The following STEAP1B variants were observed in gnomAD, a reference collection of about 807,000 sequenced individuals.
STEAP1B encodes STEAP family protein MGC87042.
Under a neutral mutation model 27.9 loss-of-function variants are expected in STEAP1B, and 13 were observed. That is an observed-to-expected ratio of 0.47 (90% CI 0.30 to 0.74). The LOEUF is 0.74. Among genes scored for constraint, STEAP1B ranks in the 30% least tolerant of loss-of-function variants. The probability of loss-of-function intolerance (pLI) is 0.06; values close to 1 mark genes in which losing one functional copy is unlikely to be tolerated. For synonymous variants in STEAP1B, 86 were observed against 107.1 expected (o/e 0.80, Z 1.22); for missense variants, 250 against 298.7 (o/e 0.84, Z 1.20).
At chr7:22,428,354 C>T (rs557474792) in intron 4 of STEAP1B, among the ~76,000 whole-genome samples, 2 of 152,308 alleles carry the variant, frequency 1.3e-5, no homozygotes, top group East Asian at 3.9e-4. Flanking sequence ...GAAAACTTGA[C>T]TGTTCTCATT....
rs1453564681 is a variant in STEAP1B, at chr7:22,493,813, G to A, written c.108C>T (p.Ser36=). 1.7e-5 allele frequency: 27 copies of A among 1,611,866 alleles called. 1 individual carries two copies. The highest frequency in any genetic ancestry group is 2.1e-5 in the Non-Finnish European group (25 of 1,179,038). The change falls in exon 3 of 5, where the codon AGC becomes AGT. Residue 36 remains serine, a synonymous_variant. Transcript: ENST00000678116. The part of the protein sequence containing the change: ...DYLHEDTGET[S]MLKRPVLLHL... The stretch of plus-strand genomic sequence containing the variant: ...GCAAAAGCACAGGTCTTTTTAGCAT[G>A]CTGGTCTCTCCCGTGTCCTCATGCT...
intron 4 of STEAP1B, among the ~76,000 whole-genome samples, chr7:22,423,643 T>G (rs560000144): frequency 6.6e-6 from 1 of 152,092 alleles, no homozygotes; most frequent in Admixed American, 6.5e-5. Context: ...GAGCATGAGG[T>G]TTTTTTGGAA....
intron 4 of STEAP1B, among the ~76,000 whole-genome samples, chr7:22,484,075 C>A (rs1786132471): frequency 6.6e-6 from 1 of 152,158 alleles, no homozygotes; most frequent in African/African-American, 2.4e-5. Context: ...AATGCCATCT[C>A]CATAACGTAG....
At chr7:22,428,249 C>A (rs1785134032) in intron 4 of STEAP1B, among the ~76,000 whole-genome samples, 1 of 152,152 alleles carries the variant, frequency 6.6e-6, no homozygotes, top group Non-Finnish European at 1.5e-5. Context: ...CTAGGGAGCA[C>A]AACCCATTAT....
At chr7:22,490,236 G>A (rs1350585470) in intron 4 of STEAP1B, among the ~76,000 whole-genome samples, 1 of 151,748 alleles carries the variant, frequency 6.6e-6, no homozygotes, top group Admixed American at 6.6e-5. Flanking sequence ...TATTTTCCTG[G>A]TGCTTGAAAA....
chr7:22,438,853 T>C, intron 4 of STEAP1B: 1 of 1,289,198 alleles, frequency 7.8e-7, no homozygotes, highest in Non-Finnish European at 1.0e-6. Flanking sequence ...CTGAATACTC[T>C]CCTTCATTTA....
intron 4 of STEAP1B, among the ~76,000 whole-genome samples, chr7:22,480,002 G>A (rs559559901): frequency 6.6e-6 from 1 of 152,156 alleles, no homozygotes; most frequent in Admixed American, 6.5e-5. Flanking sequence ...CAGTGCTCAG[G>A]AGCCACCCTG....
chr7:22,461,247 C>T (rs1239541823), intron 4 of STEAP1B, among the ~76,000 whole-genome samples: 1 of 152,172 alleles, frequency 6.6e-6, no homozygotes, highest in African/African-American at 2.4e-5. Flanking sequence ...TCACTCCTTC[C>T]AGTCACTGAG....
Position 22,475,336 on chromosome 7 carries a change from C to A in STEAP1B, c.762+17229G>T, listed in dbSNP as rs188853045. On this transcript the variant is annotated intron_variant, in intron 4 of 4. Coordinates refer to ENST00000678116, the MANE Select transcript of STEAP1B (RefSeq NM_001382447.1). ...ACACACTCTCTTGCACTAGGCAATG[C>A]CGTGTCCCTGCTGCACGCACCTGTC... is the stretch of plus-strand genomic sequence containing the variant. 3.9e-5 allele frequency among the ~76,000 whole-genome samples: 6 copies of A among 152,310 alleles called. No individual in the cohort carries two copies. The East Asian group carries it at 1.2e-3, about 29-fold the overall frequency.
At chr7:22,471,859 C>T (rs1365958157) in intron 4 of STEAP1B, among the ~76,000 whole-genome samples, 1 of 137,444 alleles carries the variant, frequency 7.3e-6, no homozygotes, top group Non-Finnish European at 1.5e-5. Flanking sequence ...GCTATGATTG[C>T]ACCAGTGCAC....
At chr7:22,461,201 A>G (rs1785672910) in intron 4 of STEAP1B, among the ~76,000 whole-genome samples, 1 of 152,158 alleles carries the variant, frequency 6.6e-6, no homozygotes, top group Admixed American at 6.5e-5. Flanking sequence ...TCAGTTTCCG[A>G]TGAGGTTTCA....
intron 4 of STEAP1B, among the ~76,000 whole-genome samples, chr7:22,434,616 T>G (rs1785232249): frequency 6.6e-6 from 1 of 152,204 alleles, no homozygotes; most frequent in Admixed American, 6.5e-5. Context: ...TCTAAGCACT[T>G]ATGTATTTAT....
chr7:22,452,486 A>C (rs961178205), intron 4 of STEAP1B, among the ~76,000 whole-genome samples: 18 of 152,192 alleles, frequency 1.2e-4, no homozygotes, highest in Admixed American at 1.2e-3. Context: ...GTAATGCGGT[A>C]ATGTGCAGAT....
At chr7:22,474,226 C>T (rs894900251) in intron 4 of STEAP1B, among the ~76,000 whole-genome samples, 2 of 152,186 alleles carry the variant, frequency 1.3e-5, no homozygotes, top group Non-Finnish European at 1.5e-5. Context: ...CATTTAACTT[C>T]AGGCCTACAT....
At chr7:22,449,198 G>T (rs1393265754) in intron 4 of STEAP1B, among the ~76,000 whole-genome samples, 5 of 152,180 alleles carry the variant, frequency 3.3e-5, no homozygotes, top group African/African-American at 1.2e-4. Flanking sequence ...ATTGACTATA[G>T]TCACCCTGTT....
intron 2 of STEAP1B, 45 bp from the exon 3 acceptor site, chr7:22,493,881 T>C (rs1583356773): frequency 1.3e-6 from 2 of 1,530,812 alleles, no homozygotes; most frequent in African/African-American, 1.4e-5. Context: ...AACAAAACAA[T>C]GGGATATCTC....
chr7:22,429,031 G>A (rs1785144729), intron 4 of STEAP1B, among the ~76,000 whole-genome samples: 1 of 152,154 alleles, frequency 6.6e-6, no homozygotes, highest in Non-Finnish European at 1.5e-5. Context: ...ACAGTATGAA[G>A]GGTAAGCAAG....
intron 4 of STEAP1B, among the ~76,000 whole-genome samples, chr7:22,480,444 G>A (rs140349235): frequency 4.4e-4 from 67 of 152,314 alleles, no homozygotes; most frequent in African/African-American, 1.3e-3. Flanking sequence ...GAGGACACAC[G>A]CTCAAGGTGG....
At position 22,493,229 on chromosome 7, in the gene STEAP1B, A is replaced by G. The variant is rs1172913124; in HGVS notation, c.597+95T>C. 3.7e-6 allele frequency: 5 copies of G among 1,341,104 alleles called. No individual in the cohort carries two copies. In the African/African-American group the frequency reaches 4.5e-5, roughly 12 times the overall value. 83.1% of individuals were successfully genotyped at this position (1,341,104 alleles called of 1,614,324 possible). On this transcript the variant is annotated intron_variant, in intron 3 of 4. Coordinates refer to ENST00000678116, the MANE Select transcript of STEAP1B (RefSeq NM_001382447.1). Reference sequence around the variant, plus strand: ...ATGACTTTTTCAACACAGAGTTTCAACAGGGTTGGGGTATTGATATTACAA... The same window carrying G: ...ATGACTTTTTCAACACAGAGTTTCAGCAGGGTTGGGGTATTGATATTACAA...
Sources: gnomAD v4.1 joint callset for allele counts (sites outside exome capture counted in the v4.1 genomes callset) on GRCh38, gnomAD v4.1.1 for gene constraint, MANE v1.5 for transcripts, NCBI Gene and HGNC (gene_info 2026-07-23, HGNC 2026-07-21) for gene names.